The following HSPA4 variants were observed in gnomAD, a reference collection of about 807,000 sequenced individuals.
HSPA4 encodes the protein heat shock protein family A (Hsp70) member 4.
Under a neutral mutation model 106.2 loss-of-function variants are expected in HSPA4, and 25 were observed. That is an observed-to-expected ratio of 0.24 (90% CI 0.17 to 0.33). HSPA4 has a LOEUF of 0.33. Among genes scored for constraint, HSPA4 ranks in the 10% least tolerant of loss-of-function variants. The probability of loss-of-function intolerance (pLI) is 1.00; values close to 1 mark genes in which losing one functional copy is unlikely to be tolerated. For synonymous variants in HSPA4, 332 were observed against 333.6 expected, an observed-to-expected ratio of 1.00 and a Z score of 0.05; for missense variants, 841 against 996.0, an observed-to-expected ratio of 0.84 and a Z score of 2.10.
intron 1 of HSPA4, among the ~76,000 whole-genome samples, chr5:133,064,248 A>G (rs973230124): frequency 1.3e-5 from 2 of 152,316 alleles, no homozygotes; most frequent in East Asian, 1.9e-4. Flanking sequence ...GCTCACGCCT[A>G]TAACGTCAGC....
At chr5:133,073,122 T>G in intron 4 of HSPA4, 108 bp from the exon 5 acceptor site, 1 of 633,168 alleles carries the variant, frequency 1.6e-6, no homozygotes, top group Non-Finnish European at 2.7e-6. Context: ...AAATATTTTC[T>G]TGATCATATA....
rs972006447 is a variant in HSPA4 at position 133,052,045 on chromosome 5, C to G, written c.-206C>G. On this transcript the variant is annotated 5_prime_UTR_variant, in exon 1 of 19. Transcript: ENST00000304858. ...TCTCCGCCCCCGCTACCGGCGCCTC[C>G]TCTGCGGCCACTGAGCCGGAGCCGG... is the stretch of plus-strand genomic sequence containing the variant. 1.9e-6 allele frequency: 1 copy of G among 532,548 alleles called. No homozygotes were observed. The highest frequency in any genetic ancestry group is 2.0e-5 in the African/African-American group (1 of 49,698). 33.0% of individuals were successfully genotyped at this position (532,548 alleles called of 1,614,324 possible).
In HSPA4 at chr5:133,101,872, A is replaced by G; in HGVS notation, c.2151A>G (p.Lys717=). The G allele has an allele frequency of 6.4e-7, 1 of 1,566,316 alleles. No individual in the cohort carries two copies. The part of the protein sequence containing the change: ...QQYMKIISSF[K]NKEDQYDHLD... ...ATATGAAAATAATCAGCTCTTTCAA[A>G]AACAAGGTAACTTTTTTCTTTGTCC... Residue 717 remains lysine (K), a synonymous_variant, in exon 17 of 19, where the codon AAA becomes AAG. Coordinates refer to ENST00000304858, the MANE Select transcript of HSPA4 (RefSeq NM_002154.4).
intron 1 of HSPA4, 21 bp downstream of exon 1, chr5:133,052,378 C>T (rs751926937): frequency 3.5e-6 from 5 of 1,424,148 alleles, no homozygotes; most frequent in Middle Eastern, 1.8e-4. Context: ...GCCGGGCCTG[C>T]CGCGTGCACT....
At position 133,058,217 on chromosome 5, in the gene HSPA4, C is replaced by G. The variant is rs562950230; in HGVS notation, c.107+5860C>G. Reference sequence around the variant, plus strand: ...GACCAGTCTGGGCAATATAGCGAGACTCTGTCTCTATAAAAAATTTAAAAC... The same window carrying G: ...GACCAGTCTGGGCAATATAGCGAGAGTCTGTCTCTATAAAAAATTTAAAAC... On this transcript the variant is annotated intron_variant, in intron 1 of 18. Transcript: ENST00000304858. Among the ~76,000 whole-genome samples, 3 of 152,136 alleles carry G rather than the reference C, an allele frequency of 2.0e-5. No homozygotes were observed. The South Asian group carries it at 6.2e-4, about 32-fold the overall frequency.
At chr5:133,080,900 A>C (rs1765506423) in intron 7 of HSPA4, among the ~76,000 whole-genome samples, 1 of 152,206 alleles carries the variant, frequency 6.6e-6, no homozygotes, top group South Asian at 2.1e-4. Context: ...TAAAGTGTAC[A>C]ATTCCAGGGT....
intron 12 of HSPA4, among the ~76,000 whole-genome samples, chr5:133,091,655 G>A (rs760907589): frequency 6.6e-6 from 1 of 152,180 alleles, no homozygotes; most frequent in African/African-American, 2.4e-5. Context: ...CTGAGTCTCA[G>A]TTAATTATTT....
intron 13 of HSPA4, among the ~76,000 whole-genome samples, chr5:133,095,391 C>T (rs1306978775): frequency 3.3e-5 from 5 of 152,112 alleles, no homozygotes; most frequent in African/African-American, 1.2e-4. Flanking sequence ...TAAAATATTA[C>T]TAGGCAGTTT....
At chr5:133,064,755 G>A (rs1765287539) in intron 1 of HSPA4, among the ~76,000 whole-genome samples, 1 of 152,134 alleles carries the variant, frequency 6.6e-6, no homozygotes, top group Admixed American at 6.5e-5. Flanking sequence ...ATTCTAGACA[G>A]GTAGTTATCA....
In HSPA4 at chr5:133,096,198, A is replaced by G. The variant is rs776249561; in HGVS notation, c.1751A>G (p.Gln584Arg). The change falls in exon 14 of 19, where the codon CAG becomes CGG. Residue 584 changes from glutamine (Q) to arginine (R), a missense_variant. Gln to Arg is a conservative substitution (Grantham distance 43, BLOSUM62 1). Transcript: ENST00000304858. ...ACTGTGGACCTGCCAATCGAGAATCAGCTATTATGGCAGATAGACAGAGAG... is the reference window on the plus strand; with the variant it reads ...ACTGTGGACCTGCCAATCGAGAATCGGCTATTATGGCAGATAGACAGAGAG... ...TSTVDLPIEN[Q>R]LLWQIDREML... 5.0e-6 allele frequency: 8 copies of G among 1,613,980 alleles called. No homozygotes were observed. In the South Asian group the frequency reaches 5.5e-5, roughly 11 times the overall value.
At chr5:133,072,400 T>TTTTG (rs1461289978) in intron 4 of HSPA4, among the ~76,000 whole-genome samples, 1 of 133,146 alleles carries the variant, frequency 7.5e-6, no homozygotes, top group Non-Finnish European at 1.6e-5. Flanking sequence ...TTGTTTTTTT[T>TTTTG]TTTTTTTTTT....
At chr5:133,102,911 G>GTTTTTTTT (rs1581483781) in intron 17 of HSPA4, among the ~76,000 whole-genome samples, 4 of 48,888 alleles carry the variant, frequency 8.2e-5, no homozygotes, top group African/African-American at 2.9e-4. Flanking sequence ...AACTAGGGTT[G>GTTTTTTTT]TCTTTTTTTT....
chr5:133,053,347 T>TTA, intron 1 of HSPA4, among the ~76,000 whole-genome samples: 1 of 147,178 alleles, frequency 6.8e-6, no homozygotes, highest in African/African-American at 2.6e-5. Context: ...TTTTTTTTTT[T>TTA]CTTTTTTGAG....
At chr5:133,078,201 G>A (rs1421752680) in intron 7 of HSPA4, among the ~76,000 whole-genome samples, 3 of 151,950 alleles carry the variant, frequency 2.0e-5, no homozygotes, top group South Asian at 2.1e-4. Context: ...GTATGGTGGC[G>A]GGTGCCTGTA....
intron 1 of HSPA4, among the ~76,000 whole-genome samples, chr5:133,054,582 G>A (rs1450330362): frequency 6.6e-6 from 1 of 152,198 alleles, no homozygotes; most frequent in African/African-American, 2.4e-5. Context: ...TCACAAAACA[G>A]TGCAACCATT....
At chr5:133,055,638 C>G (rs566058485) in intron 1 of HSPA4, among the ~76,000 whole-genome samples, 102 of 152,088 alleles carry the variant, frequency 6.7e-4, no homozygotes, top group African/African-American at 1.4e-3. Context: ...CTGTGGTGAA[C>G]AAATAAGGTC....
At chr5:133,092,027 T>G (rs950293524) in intron 12 of HSPA4, among the ~76,000 whole-genome samples, 1 of 152,116 alleles carries the variant, frequency 6.6e-6, no homozygotes. Context: ...CTAGCCTATG[T>G]GTCAGAGTGT....
At chr5:133,061,112 T>A (rs1765236071) in intron 1 of HSPA4, among the ~76,000 whole-genome samples, 1 of 151,146 alleles carries the variant, frequency 6.6e-6, no homozygotes, top group Non-Finnish European at 1.5e-5. Flanking sequence ...AGTGCATACA[T>A]GTGTTTTCTT....
intron 16 of HSPA4, among the ~76,000 whole-genome samples, chr5:133,101,199 CAT>C (rs950812395): frequency 2.6e-5 from 4 of 152,172 alleles, no homozygotes; most frequent in Admixed American, 2.6e-4. Context: ...GTATAGGGCT[CAT>C]AGATTTTATT....
Sources: allele counts gnomAD v4.1 joint callset (sites outside exome capture counted in the v4.1 genomes callset), GRCh38; gene constraint gnomAD v4.1.1; transcripts MANE v1.5; gene names NCBI Gene and HGNC (gene_info 2026-07-23, HGNC 2026-07-21).